The following PAPPA2 variants were observed in gnomAD, a reference collection of about 807,000 sequenced individuals.
PAPPA2 encodes pappalysin-2.
PAPPA2 carries 86 observed loss-of-function variants against 176.4 expected under a neutral mutation model. The ratio of observed to expected loss-of-function variants is 0.49; its 90% confidence interval spans 0.41 to 0.58. The LOEUF is 0.58. Among genes scored for constraint, PAPPA2 ranks in the 20% least tolerant of loss-of-function variants. The pLI is 0.00. For synonymous variants in PAPPA2, 809 were observed against 852.2 expected (o/e 0.95, Z 0.88); for missense variants, 2,073 against 2,256.9 (o/e 0.92, Z 1.65).
chr1:176,587,423 G>T (rs898959887), intron 2 of PAPPA2, among the ~76,000 whole-genome samples: 16 of 152,128 alleles, frequency 1.1e-4, no homozygotes, highest in Non-Finnish European at 1.9e-4. Context: ...ATGGTTTGGG[G>T]TTTTACATTT....
chr1:176,806,398 G>C (rs1331374786), intron 21 of PAPPA2, among the ~76,000 whole-genome samples: 1 of 152,206 alleles, frequency 6.6e-6, no homozygotes, highest in Non-Finnish European at 1.5e-5. Context: ...GTTGCAGACA[G>C]AACTTTGACT....
chr1:176,691,351 T>C lies in PAPPA2; in HGVS notation c.2432-775T>C, dbSNP rs957294652. On this transcript the variant is annotated intron_variant, in intron 5 of 22. Coordinates refer to ENST00000367662, the MANE Select transcript of PAPPA2 (RefSeq NM_020318.3). ...GAAAGCGTGATGAGCCGATTCTGTCTGTCATCTTTCAAGATGTGTCTATCT... is the reference window on the plus strand; with the variant it reads ...GAAAGCGTGATGAGCCGATTCTGTCCGTCATCTTTCAAGATGTGTCTATCT... 1.4e-5 allele frequency: 3 copies of C among 210,444 alleles called. No homozygotes were observed. The Admixed American group carries it at 2.0e-4, about 14-fold the overall frequency. The allele number at this position is 210,444 out of a possible 1,614,324, so 13.0% of individuals were successfully genotyped here.
chr1:176,594,504 G>C lies in PAPPA2; in HGVS notation c.920-20G>C. On this transcript the variant is annotated intron_variant, in intron 2 of 22. Coordinates refer to ENST00000367662, the MANE Select transcript of PAPPA2 (RefSeq NM_020318.3). ...GTATCTGGTATCTGTCTCTTCCCTC[G>C]ATTCTTCCTTCTTTCCCAGGTGTGT... 6.3e-7 allele frequency: 1 copy of C among 1,594,416 alleles called. No homozygotes were observed. The highest frequency in any genetic ancestry group is 8.6e-7 in the Non-Finnish European group (1 of 1,165,814).
intron 1 of PAPPA2, among the ~76,000 whole-genome samples, chr1:176,503,822 A>G (rs992373360): frequency 6.6e-6 from 1 of 152,174 alleles, no homozygotes; most frequent in African/African-American, 2.4e-5. Flanking sequence ...CAGATTAGGA[A>G]TAGTTCATCA....
intron 21 of PAPPA2, among the ~76,000 whole-genome samples, chr1:176,834,924 T>A (rs1427037143): frequency 6.6e-6 from 1 of 152,104 alleles, no homozygotes; most frequent in East Asian, 1.9e-4. Flanking sequence ...TGAGCTGAGA[T>A]CATGCCACTG....
intron 21 of PAPPA2, among the ~76,000 whole-genome samples, chr1:176,831,657 T>A (rs12134508): frequency 0.059 from 8,992 of 152,040 alleles, 351 homozygotes; most frequent in Non-Finnish European, 0.086. Context: ...AGGTAGAGAG[T>A]TTGTGTGACT....
intron 3 of PAPPA2, among the ~76,000 whole-genome samples, chr1:176,604,942 C>T (rs939788032): frequency 6.6e-6 from 1 of 152,098 alleles, no homozygotes; most frequent in African/African-American, 2.4e-5. Context: ...CTATAGTAAA[C>T]TTTTCTACTG....
At position 176,513,120 on chromosome 1, in the gene PAPPA2, A is replaced by G. The variant is rs181868735; in HGVS notation, c.-916-42287A>G. 1.8e-3 allele frequency among the ~76,000 whole-genome samples: 280 copies of G among 152,214 alleles called. 1 individual carries two copies. Among genetic ancestry groups the G allele is most frequent in the African/African-American group, 6.0e-3 (249 of 41,540 alleles). ...TGGGCCTGGACTTAACTTAGCCTCCATAATTGTGTAAGCCATTCTTTATTA... is the reference window on the plus strand; with the variant it reads ...TGGGCCTGGACTTAACTTAGCCTCCGTAATTGTGTAAGCCATTCTTTATTA... On this transcript the variant is annotated intron_variant, in intron 1 of 22. Transcript: ENST00000367662.
intron 2 of PAPPA2, among the ~76,000 whole-genome samples, chr1:176,585,307 G>A (rs10913209): frequency 0.32 from 48,109 of 151,568 alleles, 8,037 homozygotes; most frequent in Middle Eastern, 0.44. Context: ...TTAGTACTTC[G>A]AATATTTCAT....
chr1:176,475,945 A>T (rs1652094751), intron 1 of PAPPA2, among the ~76,000 whole-genome samples: 1 of 152,224 alleles, frequency 6.6e-6, no homozygotes, highest in African/African-American at 2.4e-5. Flanking sequence ...AATAATAATT[A>T]CTGGGCTTGC....
At chr1:176,616,573 C>T (rs1214928716) in intron 3 of PAPPA2, 2 of 1,502,496 alleles carry the variant, frequency 1.3e-6, no homozygotes, top group Non-Finnish European at 1.8e-6. Context: ...GGTGGTGCAC[C>T]ATCACCAAAA....
intron 21 of PAPPA2, among the ~76,000 whole-genome samples, chr1:176,816,152 G>GTATATATATATATA (rs373739173): frequency 4.7e-5 from 2 of 42,280 alleles, no homozygotes; most frequent in African/African-American, 8.0e-5. Context: ...CTTTCACAGT[G>GTATATATATATATA]TATATATATA....
chr1:176,505,009 C>G (rs771693692), intron 1 of PAPPA2, among the ~76,000 whole-genome samples: 7 of 152,086 alleles, frequency 4.6e-5, no homozygotes, highest in Non-Finnish European at 7.4e-5. Flanking sequence ...CTAGCCCATC[C>G]TACCTAATAC....
chr1:176,743,539 A>G (rs1662777224), intron 14 of PAPPA2, among the ~76,000 whole-genome samples: 1 of 152,172 alleles, frequency 6.6e-6, no homozygotes. Flanking sequence ...ACAACTTGCC[A>G]CAGTATCAGG....
At chr1:176,542,153 CT>C (rs1650397007) in intron 1 of PAPPA2, among the ~76,000 whole-genome samples, 1 of 151,994 alleles carries the variant, frequency 6.6e-6, no homozygotes, top group Admixed American at 6.6e-5. Context: ...AGAGCATTCA[CT>C]TTTTTTGAAT....
At chr1:176,698,987 A>C (rs1190226139) in intron 7 of PAPPA2, 113 bp from the exon 8 acceptor site, 1 of 1,357,500 alleles carries the variant, frequency 7.4e-7, no homozygotes, top group African/African-American at 1.5e-5. Context: ...ACCAACTTCT[A>C]CAGGAATTCT....
chr1:176,609,957 A>T (rs1654819336), intron 3 of PAPPA2, among the ~76,000 whole-genome samples: 1 of 152,142 alleles, frequency 6.6e-6, no homozygotes, highest in Non-Finnish European at 1.5e-5. Context: ...GAGATGTGAA[A>T]AAGGTATTTA....
chr1:176,725,817 G>A (rs994746214), intron 12 of PAPPA2, among the ~76,000 whole-genome samples: 4 of 152,150 alleles, frequency 2.6e-5, no homozygotes, highest in African/African-American at 9.7e-5. Flanking sequence ...GTCTCGCTCT[G>A]TCGCCCAGGC....
intron 14 of PAPPA2, among the ~76,000 whole-genome samples, chr1:176,755,909 A>G (rs1048830346): frequency 1.3e-5 from 2 of 152,240 alleles, no homozygotes; most frequent in African/African-American, 4.8e-5. Context: ...ATTGTAAGCT[A>G]GAGAAAAAAT....
Sources: allele counts gnomAD v4.1 joint callset (sites outside exome capture counted in the v4.1 genomes callset), GRCh38; gene constraint gnomAD v4.1.1; transcripts MANE v1.5; gene names NCBI Gene and HGNC (gene_info 2026-07-23, HGNC 2026-07-21).